The following AKAP13 variants were observed in gnomAD, a reference collection of about 807,000 sequenced individuals.
AKAP13 encodes the protein A-kinase anchor protein 13.
In AKAP13, 80 loss-of-function variants were observed where a neutral mutation model predicts 264.5. The observed-to-expected ratio is 0.30, with a 90% CI of 0.25 to 0.36. The LOEUF is 0.36. Among genes scored for constraint, AKAP13 ranks in the 10% least tolerant of loss-of-function variants. The pLI, the probability that AKAP13 is intolerant of heterozygous loss-of-function variation, is 1.00. For missense variants in AKAP13, 3,712 were observed against 3,435.2 expected (o/e 1.08, Z -2.01); for synonymous variants, 1,380 against 1,250.2 (o/e 1.10, Z -2.19).
chr15:85,560,465 A>T (rs1271784674), intron 5 of AKAP13, among the ~76,000 whole-genome samples: 1 of 152,266 alleles, frequency 6.6e-6, no homozygotes, highest in East Asian at 1.9e-4. Context: ...TATTTTTAAT[A>T]ATTAAGTTGT....
intron 8 of AKAP13, among the ~76,000 whole-genome samples, chr15:85,628,147 A>T (rs189953355): frequency 1.6e-4 from 25 of 152,278 alleles, no homozygotes; most frequent in Admixed American, 8.5e-4. Context: ...ACTCATAAGG[A>T]TGTATGTATA....
intron 1 of AKAP13, among the ~76,000 whole-genome samples, chr15:85,408,097 G>A (rs1012220347): frequency 6.6e-6 from 1 of 151,624 alleles, no homozygotes; most frequent in African/African-American, 2.4e-5. Flanking sequence ...GCACTGAGGG[G>A]CATGATTCAT....
intron 16 of AKAP13, among the ~76,000 whole-genome samples, chr15:85,691,192 G>C (rs2085264801): frequency 6.6e-6 from 1 of 152,138 alleles, no homozygotes; most frequent in Non-Finnish European, 1.5e-5. Context: ...ATTTTTTTAG[G>C]ACATAACAAT....
intron 8 of AKAP13, among the ~76,000 whole-genome samples, chr15:85,595,033 A>G (rs2079750684): frequency 6.6e-6 from 1 of 152,202 alleles, no homozygotes; most frequent in African/African-American, 2.4e-5. Flanking sequence ...TTATTCATTT[A>G]GTAAACATTA....
At chr15:85,389,525 A>T (rs561183798) in intron 1 of AKAP13, among the ~76,000 whole-genome samples, 82 of 152,084 alleles carry the variant, frequency 5.4e-4, no homozygotes, top group African/African-American at 1.9e-3. Flanking sequence ...GGATCCAGTT[A>T]CTCCGTCATG....
chr15:85,463,996 A>G (rs978020520), intron 1 of AKAP13, among the ~76,000 whole-genome samples: 3 of 152,096 alleles, frequency 2.0e-5, no homozygotes, highest in Non-Finnish European at 2.9e-5. Flanking sequence ...AGCCATAATG[A>G]TTGTTACAGT....
At chr15:85,700,677 A>T (rs979974474) in intron 17 of AKAP13, among the ~76,000 whole-genome samples, 3 of 152,252 alleles carry the variant, frequency 2.0e-5, no homozygotes, top group African/African-American at 7.2e-5. Flanking sequence ...AAAACTACAT[A>T]AAAACGTACC....
chr15:85,535,799 C>CTTTTTTT (rs60026361), intron 4 of AKAP13: 1 of 138,300 alleles, frequency 7.2e-6, no homozygotes, highest in Non-Finnish European at 1.6e-5. Context: ...CTTTCTCTCT[C>CTTTTTTT]TTTTTTTTTT....
At chr15:85,531,329 A>T (rs16941028) in intron 3 of AKAP13, among the ~76,000 whole-genome samples, 1 of 152,332 alleles carries the variant, frequency 6.6e-6, no homozygotes, top group African/African-American at 2.4e-5. Context: ...GTTATCTGCA[A>T]CTTGATTCTC....
intron 8 of AKAP13, among the ~76,000 whole-genome samples, chr15:85,631,238 T>G (rs145391431): frequency 2.4e-3 from 364 of 152,198 alleles, no homozygotes; most frequent in Middle Eastern, 0.014. Flanking sequence ...TTTGTAGAGA[T>G]AGAAATACAT....
chr15:85,633,219 A>C (rs922031357), intron 8 of AKAP13, among the ~76,000 whole-genome samples: 1 of 152,158 alleles, frequency 6.6e-6, no homozygotes, highest in Non-Finnish European at 1.5e-5. Context: ...TTGAAGGTCA[A>C]GGTAAGAGAC....
intron 1 of AKAP13, among the ~76,000 whole-genome samples, chr15:85,479,561 G>A (rs1266187024): frequency 3.3e-5 from 5 of 152,236 alleles, no homozygotes; most frequent in African/African-American, 1.2e-4. Flanking sequence ...GGGAGCAGAT[G>A]TAGGGGTGAT....
chr15:85,577,740 A>C, intron 6 of AKAP13: 1 of 878,002 alleles, frequency 1.1e-6, no homozygotes, highest in Non-Finnish European at 1.4e-6. Context: ...TTTATATTTA[A>C]TATGTTCTGA....
chr15:85,435,775 T>C (rs1378714618), intron 1 of AKAP13, among the ~76,000 whole-genome samples: 7 of 146,644 alleles, frequency 4.8e-5, no homozygotes, highest in African/African-American at 1.5e-4. Context: ...CTGAGAGATT[T>C]TGTCACCACC....
At chr15:85,403,265 G>A (rs1198039409) in intron 1 of AKAP13, among the ~76,000 whole-genome samples, 2 of 152,212 alleles carry the variant, frequency 1.3e-5, no homozygotes, top group Non-Finnish European at 2.9e-5. Flanking sequence ...AGATTAGATT[G>A]TTTTATGATC....
At chr15:85,701,372 G>A (rs1337178221) in intron 17 of AKAP13, 2 of 152,188 alleles carry the variant, frequency 1.3e-5, no homozygotes, top group Non-Finnish European at 2.9e-5. Flanking sequence ...TCAAATATCA[G>A]AGATTATCTT....
chr15:85,651,223 T>C (rs1160211869), intron 10 of AKAP13, among the ~76,000 whole-genome samples: 1 of 152,230 alleles, frequency 6.6e-6, no homozygotes, highest in African/African-American at 2.4e-5. Flanking sequence ...TTATTAAGAA[T>C]ATATTGAGGC....
chr15:85,618,071 G>T (rs1428168493), intron 8 of AKAP13, among the ~76,000 whole-genome samples: 1 of 152,198 alleles, frequency 6.6e-6, no homozygotes, highest in Non-Finnish European at 1.5e-5. Context: ...ATGAACCAGT[G>T]AGGAATAGGG....
At chr15:85,532,141 C>T (rs6496065) in intron 3 of AKAP13, among the ~76,000 whole-genome samples, 79,305 of 152,012 alleles carry the variant, frequency 0.52, 21,132 homozygotes, top group Middle Eastern at 0.62. Context: ...AGATGCCTGG[C>T]GTGTGCTAGG....
Sources: allele counts gnomAD v4.1 joint callset (sites outside exome capture counted in the v4.1 genomes callset), GRCh38; gene constraint gnomAD v4.1.1; transcripts MANE v1.5; gene names NCBI Gene and HGNC (gene_info 2026-07-23, HGNC 2026-07-21).